The following PHF14 variants were observed in gnomAD, a reference collection of about 807,000 sequenced individuals.
PHF14 encodes PHD finger protein 14.
In PHF14, 55 loss-of-function variants were observed where a neutral mutation model predicts 117.9. The observed-to-expected ratio is 0.47, with a 90% CI of 0.38 to 0.58. The LOEUF is 0.58. Ranked by LOEUF, PHF14 falls within the 20% of genes least tolerant of loss-of-function variation. The probability of loss-of-function intolerance (pLI) is 0.00; values close to 1 mark genes in which losing one functional copy is unlikely to be tolerated. For missense variants in PHF14, 978 were observed against 1,122.2 expected (o/e 0.87, Z 1.84); for synonymous variants, 409 against 368.6 (o/e 1.11, Z -1.26).
intron 16 of PHF14, chr7:11,071,216 G>A (rs1353108200): frequency 1.9e-6 from 1 of 514,698 alleles, no homozygotes; most frequent in Admixed American, 2.0e-5. Flanking sequence ...TAACCTCTCT[G>A]AAGCCTAGTA....
chr7:11,163,028 C>G (rs1054784227), intron 17 of PHF14, among the ~76,000 whole-genome samples: 15 of 152,032 alleles, frequency 9.9e-5, no homozygotes, highest in Non-Finnish European at 1.9e-4. Context: ...TGCCCTTTTT[C>G]TATCTTGCTA....
At chr7:11,056,831 A>G (rs908917543) in intron 14 of PHF14, among the ~76,000 whole-genome samples, 2 of 149,214 alleles carry the variant, frequency 1.3e-5, no homozygotes, top group Admixed American at 6.7e-5. Context: ...ATATTTTTAT[A>G]TATTAGAATA....
chr7:11,027,214 T>C (rs1461634663), intron 6 of PHF14, among the ~76,000 whole-genome samples: 1 of 152,202 alleles, frequency 6.6e-6, no homozygotes, highest in Non-Finnish European at 1.5e-5. Context: ...TTAAATAATT[T>C]AATTTCTCTT....
intron 5 of PHF14, among the ~76,000 whole-genome samples, chr7:11,020,528 G>A (rs1478462402): frequency 6.6e-6 from 1 of 152,052 alleles, no homozygotes; most frequent in Non-Finnish European, 1.5e-5. Context: ...ACAGGGGCAT[G>A]CCACGACACC....
At position 11,105,792 on chromosome 7, in the gene PHF14, A is replaced by G. The variant is rs919721126; in HGVS notation, c.2655-5558A>G. ...ATTCACTGCTGTTCAGGTACATAAG[A>G]TGTAATGTAATTGGATGCACATGCT... On this transcript the variant is annotated intron_variant, in intron 16 of 17. Transcript: ENST00000634607. The G allele has an allele frequency of 1.5e-5, 15 of 984,580 alleles. No homozygotes were observed. In the African/African-American group the frequency reaches 2.4e-4, roughly 16 times the overall value. The allele number at this position is 984,580 out of a possible 1,614,324, so 61.0% of individuals were successfully genotyped here. A position where few individuals can be genotyped will look rare whatever the true frequency, so the allele number is the denominator to read the frequency against.
chr7:11,032,379 A>G (rs1006632145), intron 7 of PHF14, among the ~76,000 whole-genome samples: 38 of 152,164 alleles, frequency 2.5e-4, no homozygotes, highest in African/African-American at 9.2e-4. Context: ...ACGTTCTTCA[A>G]ATACACTGTT....
chr7:11,041,492 T>C (rs557579864), intron 12 of PHF14, among the ~76,000 whole-genome samples: 15 of 151,954 alleles, frequency 9.9e-5, no homozygotes, highest in African/African-American at 3.6e-4. Flanking sequence ...ATATATGTTA[T>C]GCATGTGTAA....
At chr7:11,081,690 A>C (rs1313115150) in intron 16 of PHF14, among the ~76,000 whole-genome samples, 1 of 151,506 alleles carries the variant, frequency 6.6e-6, no homozygotes, top group Non-Finnish European at 1.5e-5. Context: ...CCCTGTCTCT[A>C]GTAAAAATAC....
At chr7:11,025,839 C>T (rs1329438764) in intron 6 of PHF14, among the ~76,000 whole-genome samples, 2 of 151,722 alleles carry the variant, frequency 1.3e-5, no homozygotes, top group Non-Finnish European at 1.5e-5. Context: ...AGGCTGGGTG[C>T]GGTGGCTCAC....
intron 4 of PHF14, among the ~76,000 whole-genome samples, chr7:11,003,535 A>G (rs916598668): frequency 1.3e-4 from 20 of 152,202 alleles, no homozygotes; most frequent in Non-Finnish European, 2.5e-4. Context: ...TGGGATACAT[A>G]TAGATAGTAA....
chr7:11,042,888 A>G (rs548661244), intron 13 of PHF14, 74 bp downstream of exon 13: 34 of 983,870 alleles, frequency 3.5e-5, no homozygotes, highest in Admixed American at 2.3e-4. Context: ...ATGAAATACT[A>G]TATTTGTTCA....
intron 4 of PHF14, among the ~76,000 whole-genome samples, chr7:10,998,495 G>A (rs1218008384): frequency 2.0e-5 from 3 of 151,894 alleles, no homozygotes; most frequent in Non-Finnish European, 4.4e-5. Context: ...TGATATTAGT[G>A]GTAATGAATA....
intron 16 of PHF14, among the ~76,000 whole-genome samples, chr7:11,065,544 T>G (rs1424552295): frequency 2.0e-5 from 3 of 152,176 alleles, no homozygotes; most frequent in African/African-American, 7.2e-5. Flanking sequence ...TAATGTTTGA[T>G]GAAGGTATTT....
chr7:10,990,070 G>A (rs962922049), intron 3 of PHF14, among the ~76,000 whole-genome samples: 1 of 151,076 alleles, frequency 6.6e-6, no homozygotes, highest in African/African-American at 2.5e-5. Context: ...ATTATTTTCT[G>A]TATCTCTGTG....
rs947045575 is a variant in PHF14, at chr7:11,051,524, T to C, written c.2313-88T>C. On this transcript the variant is annotated intron_variant, in intron 13 of 17. Coordinates refer to ENST00000634607, the MANE Select transcript of PHF14 (RefSeq NM_001007157.2). ...TGTATATTTTTATATATTATTCTTA[T>C]ATACCTGGATTTTGTATTTATAAAA... 34 of 1,029,866 alleles carry C rather than the reference T, an allele frequency of 3.3e-5. No individual in the cohort carries two copies. In the African/African-American group the frequency reaches 5.5e-4, roughly 17 times the overall value. 63.8% of individuals were successfully genotyped at this position (1,029,866 alleles called of 1,614,324 possible). A position where few individuals can be genotyped will look rare whatever the true frequency, so the allele number is the denominator to read the frequency against.
At chr7:11,038,165 G>A (rs1166798953) in intron 10 of PHF14, among the ~76,000 whole-genome samples, 1 of 152,148 alleles carries the variant, frequency 6.6e-6, no homozygotes, top group African/African-American at 2.4e-5. Flanking sequence ...TGTAATCCCA[G>A]CACTTTGGGA....
At chr7:11,071,845 G>GA (rs1384343030) in intron 16 of PHF14, among the ~76,000 whole-genome samples, 3 of 152,224 alleles carry the variant, frequency 2.0e-5, no homozygotes, top group Non-Finnish European at 4.4e-5. Context: ...ACTCTCATAT[G>GA]AAAAAATTAC....
At chr7:11,161,745 T>A (rs1789038721) in intron 17 of PHF14, among the ~76,000 whole-genome samples, 1 of 145,514 alleles carries the variant, frequency 6.9e-6, no homozygotes, top group Admixed American at 6.9e-5. Context: ...TTTATTTAAA[T>A]AAAAATATTT....
intron 13 of PHF14, among the ~76,000 whole-genome samples, chr7:11,049,103 T>TACC (rs1299597636): frequency 6.6e-6 from 1 of 152,194 alleles, no homozygotes; most frequent in Non-Finnish European, 1.5e-5. Context: ...TCTGAAAAGG[T>TACC]ACCTGCTTCT....
Sources: gnomAD v4.1 joint callset for allele counts (sites outside exome capture counted in the v4.1 genomes callset) on GRCh38, gnomAD v4.1.1 for gene constraint, MANE v1.5 for transcripts, NCBI Gene and HGNC (gene_info 2026-07-23, HGNC 2026-07-21) for gene names.